Variants in FAM120A observed in about 807,000 individuals in gnomAD.
The protein encoded by FAM120A is family with sequence similarity 120 member A.
Under a neutral mutation model 109.7 loss-of-function variants are expected in FAM120A, and 15 were observed. The ratio of observed to expected loss-of-function variants is 0.14; its 90% CI spans 0.09 to 0.21. FAM120A has a LOEUF of 0.21. Among genes scored for constraint, FAM120A ranks in the 10% least tolerant of loss-of-function variants. FAM120A has a pLI of 1.00. For missense variants in FAM120A, 899 were observed against 1,439.3 expected, an observed-to-expected ratio of 0.62 and a Z score of 6.07; for synonymous variants, 493 against 572.8, an observed-to-expected ratio of 0.86 and a Z score of 1.99.
chr9:93,499,026 C>T, intron 5 of FAM120A, 140 bp downstream of exon 5: 1 of 657,962 alleles, frequency 1.5e-6, no homozygotes, highest in East Asian at 2.6e-5. Flanking sequence ...GCCAAACTTC[C>T]TGGGCAGACT....
chr9:93,508,810 C>G (rs1182706282), intron 5 of FAM120A, among the ~76,000 whole-genome samples: 1 of 152,168 alleles, frequency 6.6e-6, no homozygotes. Context: ...AGCCCTGATC[C>G]CAGTGTCGCA....
At chr9:93,549,000 G>A (rs1365853258) in intron 11 of FAM120A, among the ~76,000 whole-genome samples, 1 of 152,030 alleles carries the variant, frequency 6.6e-6, no homozygotes, top group Non-Finnish European at 1.5e-5. Flanking sequence ...CCGAGATCAT[G>A]CCACCGCACT....
chr9:93,463,528 A>G (rs1359811773), intron 1 of FAM120A, among the ~76,000 whole-genome samples: 6 of 152,210 alleles, frequency 3.9e-5, no homozygotes, highest in Admixed American at 6.5e-5. Context: ...ACTTTTTTTA[A>G]TGTTCTTATT....
intron 5 of FAM120A, among the ~76,000 whole-genome samples, chr9:93,513,327 A>G (rs1209415008): frequency 6.6e-6 from 1 of 152,142 alleles, no homozygotes; most frequent in Non-Finnish European, 1.5e-5. Context: ...TGTGTGCGCC[A>G]TGCATGCACG....
chr9:93,482,184 A>ATATTT (rs758927651), intron 3 of FAM120A, among the ~76,000 whole-genome samples: 1 of 118,370 alleles, frequency 8.4e-6, no homozygotes, highest in East Asian at 2.5e-4. Context: ...ATTCACCTCC[A>ATATTT]TTTTTTTTTT....
intron 1 of FAM120A, among the ~76,000 whole-genome samples, chr9:93,459,233 T>C (rs1260804526): frequency 6.6e-6 from 1 of 152,342 alleles, no homozygotes; most frequent in South Asian, 2.1e-4. Flanking sequence ...ACTGCATATT[T>C]ACCTCCCCCA....
intron 13 of FAM120A, 98 bp from the exon 14 acceptor site, chr9:93,557,729 A>G (rs1021089074): frequency 4.1e-6 from 5 of 1,210,246 alleles, no homozygotes; most frequent in Non-Finnish European, 5.7e-6. Context: ...AAGGGAACCA[A>G]CTGTATAGTT....
intron 3 of FAM120A, among the ~76,000 whole-genome samples, chr9:93,496,354 T>C (rs1465269965): frequency 6.6e-6 from 1 of 152,226 alleles, no homozygotes; most frequent in African/African-American, 2.4e-5. Context: ...AGAGGAGTCA[T>C]TTTCTATGGC....
intron 3 of FAM120A, among the ~76,000 whole-genome samples, chr9:93,486,226 G>T (rs192126462): frequency 6.6e-6 from 1 of 151,312 alleles, no homozygotes. Context: ...CTCCCACCTC[G>T]GCCTCCCATA....
chr9:93,527,335 C>G, intron 8 of FAM120A, 93 bp downstream of exon 8: 1 of 914,876 alleles, frequency 1.1e-6, no homozygotes, highest in Non-Finnish European at 1.7e-6. Flanking sequence ...TAATATCTCT[C>G]TCTTTTAATC....
chr9:93,552,664 A>T (rs958373244), intron 12 of FAM120A, among the ~76,000 whole-genome samples: 1 of 152,252 alleles, frequency 6.6e-6, no homozygotes, highest in African/African-American at 2.4e-5. Flanking sequence ...AAAAATTCCT[A>T]TGCAGAGCTG....
At chr9:93,486,413 G>A (rs1428069879) in intron 3 of FAM120A, among the ~76,000 whole-genome samples, 1 of 151,988 alleles carries the variant, frequency 6.6e-6, no homozygotes, top group African/African-American at 2.4e-5. Flanking sequence ...ATGAACATTT[G>A]TGTATAAGTT....
rs747457657 is a variant in FAM120A at position 93,516,132 on chromosome 9, C to T, written c.1281C>T (p.His427=). The T allele has an allele frequency of 1.5e-5, 25 of 1,613,826 alleles. No homozygotes were observed. The highest frequency in any genetic ancestry group is 6.6e-5 in the South Asian group (6 of 91,082). Residue 427 remains histidine, a synonymous_variant, in exon 7 of 18, where the codon CAC becomes CAT. Transcript: ENST00000277165. ...GCAACATTCCTCACGAAGGGAAGCACACGCCGCTGTATGAGCGGTCCTCGC... is the reference window on the plus strand; with the variant it reads ...GCAACATTCCTCACGAAGGGAAGCATACGCCGCTGTATGAGCGGTCCTCGC... ...SYSNIPHEGK[H]TPLYERSSPI...
chr9:93,459,559 G>A lies in FAM120A; in HGVS notation c.474+7170G>A, dbSNP rs79519688. Reference sequence around the variant, plus strand: ...AACAGGAAAGGAAGGAAACCTTCAGGGAGCCTATAGCCTCTGGGTTGAGGA... The same window carrying A: ...AACAGGAAAGGAAGGAAACCTTCAGAGAGCCTATAGCCTCTGGGTTGAGGA... On this transcript the variant is annotated intron_variant, in intron 1 of 17. Coordinates refer to ENST00000277165, the MANE Select transcript of FAM120A (RefSeq NM_014612.5). 6.6e-3 allele frequency among the ~76,000 whole-genome samples: 1,004 copies of A among 152,268 alleles called. 14 individuals are homozygous for A. Among genetic ancestry groups the A allele is most frequent in the African/African-American group, 0.023 (969 of 41,550 alleles).
intron 7 of FAM120A, chr9:93,523,171 G>A: frequency 2.6e-6 from 1 of 387,442 alleles, no homozygotes; most frequent in Non-Finnish European, 4.6e-6. Context: ...ATGTAAAATA[G>A]CTAAAAGAAT....
In FAM120A at chr9:93,517,821, A is replaced by G. The variant is rs140414898; in HGVS notation, c.1418+1552A>G. Among the ~76,000 whole-genome samples, 568 of 152,216 alleles carry G rather than the reference A, an allele frequency of 3.7e-3. 1 individual carries two copies. The highest frequency in any genetic ancestry group is 0.012 in the Admixed American group (186 of 15,292). ...GGATTGAGAAGAATGTGAGTTGCCC[A>G]TCTAATTTGGCAAGTTGTCTTTGTT... On this transcript the variant is annotated intron_variant, in intron 7 of 17. Coordinates refer to ENST00000277165, the MANE Select transcript of FAM120A (RefSeq NM_014612.5).
chr9:93,461,369 A>T (rs1857784519), intron 1 of FAM120A, among the ~76,000 whole-genome samples: 1 of 151,958 alleles, frequency 6.6e-6, no homozygotes, highest in Admixed American at 6.6e-5. Context: ...GGGTCACTAG[A>T]CTCCATGGAT....
chr9:93,562,325 T>C (rs1265244106), intron 17 of FAM120A, 21 bp downstream of exon 17: 4 of 1,593,108 alleles, frequency 2.5e-6, no homozygotes, highest in East Asian at 4.5e-5. Context: ...AACATGATGT[T>C]TGTGCCAGTT....
At chr9:93,492,662 G>T (rs958482398) in intron 3 of FAM120A, among the ~76,000 whole-genome samples, 1 of 151,130 alleles carries the variant, frequency 6.6e-6, no homozygotes, top group Non-Finnish European at 1.5e-5. Context: ...AGCTGCCTGC[G>T]AAGTGGGGTG....
Sources: allele counts gnomAD v4.1 joint callset (sites outside exome capture counted in the v4.1 genomes callset), GRCh38; gene constraint gnomAD v4.1.1; transcripts MANE v1.5; gene names NCBI Gene and HGNC (gene_info 2026-07-23, HGNC 2026-07-21).